The following EDDM13 variants were observed in gnomAD, a reference collection of about 807,000 sequenced individuals.
EDDM13 encodes epididymal protein 13.
Under a neutral mutation model 17.8 loss-of-function variants are expected in EDDM13, and 24 were observed. That is an observed-to-expected ratio of 1.35 (90% CI 0.98 to 1.90). EDDM13 has a LOEUF of 1.90. Ranked by LOEUF, EDDM13 falls within the 40% of genes most tolerant of loss-of-function variation. The probability of loss-of-function intolerance (pLI) is 0.00; values close to 1 mark genes in which losing one functional copy is unlikely to be tolerated. For missense variants in EDDM13, 97 were observed against 100.8 expected (o/e 0.96, Z 0.16); for synonymous variants, 31 against 37.5 (o/e 0.83, Z 0.63).
chr19:56,281,763 G>C, intron 3 of EDDM13, 65 bp downstream of exon 3: 2 of 953,442 alleles, frequency 2.1e-6, no homozygotes, highest in South Asian at 9.7e-5. Context: ...AGAAGGAAGG[G>C]AATGAAAGAG....
intron 9 of EDDM13, among the ~76,000 whole-genome samples, chr19:56,291,543 C>T (rs1333749234): frequency 6.6e-6 from 1 of 151,812 alleles, no homozygotes; most frequent in Non-Finnish European, 1.5e-5. Flanking sequence ...CTTCCTTTTC[C>T]TCTCCTCTCC....
At position 56,303,882 on chromosome 19, in the gene EDDM13, C is replaced by A. The variant is rs1339614059; in HGVS notation, c.424-911C>A. ...CTTCAGAGCAGCTTGGGGGCAACCA[C>A]TGCAAGCAAAGCAGGCATGCACAGC... is the stretch of plus-strand genomic sequence containing the variant. On this transcript the variant is annotated intron_variant, in intron 13 of 14. Coordinates refer to ENST00000649256, the MANE Select transcript of EDDM13 (RefSeq NM_001354658.2). Among the ~76,000 whole-genome samples, 3 of 152,148 alleles carry A rather than the reference C, an allele frequency of 2.0e-5. No individual in the cohort carries two copies. The East Asian group carries it at 5.8e-4, about 29-fold the overall frequency.
Position 56,273,766 on chromosome 19 carries a change from G to A in EDDM13, c.85+847G>A, listed in dbSNP as rs930171613. 1.1e-4 allele frequency among the ~76,000 whole-genome samples: 16 copies of A among 152,254 alleles called. 1 individual carries two copies. The highest frequency in any genetic ancestry group is 8.3e-4 in the South Asian group (4 of 4,820). ...ACAGGAGGCAGGAAACAGAACAGAC[G>A]GGGGCATGTGAGTCACAGGAAAAAT... On this transcript the variant is annotated intron_variant, in intron 1 of 14. Transcript: ENST00000649256.
chr19:56,303,021 A>T (rs2040448227), intron 13 of EDDM13: 3 of 396,136 alleles, frequency 7.6e-6, no homozygotes, highest in Non-Finnish European at 1.3e-5. Context: ...ATCTCAGCCT[A>T]GGGGAAGTGT....
At position 56,305,557 on chromosome 19, in the gene EDDM13, ATC is replaced by A. The variant is rs1331006747; in HGVS notation, c.461+729_461+730del. ...TGCTATGAACAAGTTATGTTAGAAT[ATC>A]TGTTTTAAAATCTTTTGGGGTACAA... On this transcript the variant is annotated intron_variant, in intron 14 of 14. Coordinates refer to ENST00000649256, the MANE Select transcript of EDDM13 (RefSeq NM_001354658.2). Among the ~76,000 whole-genome samples, 2 of 152,160 alleles carry A rather than the reference ATC, an allele frequency of 1.3e-5. 1 individual carries two copies. The highest frequency in any genetic ancestry group is 2.9e-5 in the Non-Finnish European group (2 of 68,044).
At chr19:56,281,562 A>C (rs1424489865) in intron 2 of EDDM13, 131 bp from the exon 3 acceptor site, 1 of 329,400 alleles carries the variant, frequency 3.0e-6, no homozygotes, top group Non-Finnish European at 4.3e-6. Flanking sequence ...CAGGCAAATA[A>C]ATGTTCCATG....
chr19:56,274,783 T>C (rs988213887), intron 1 of EDDM13: 3 of 152,308 alleles, frequency 2.0e-5, no homozygotes, highest in African/African-American at 7.2e-5. Flanking sequence ...TGTTTTGTTT[T>C]GTTTTGTTTC....
chr19:56,287,481 C>G lies in EDDM13; in HGVS notation c.155-904C>G, dbSNP rs2039212239. 2.0e-5 allele frequency among the ~76,000 whole-genome samples: 3 copies of G among 152,260 alleles called. No individual in the cohort carries two copies. In the South Asian group the frequency reaches 6.2e-4, roughly 32 times the overall value. On this transcript the variant is annotated intron_variant, in intron 6 of 14. Coordinates refer to ENST00000649256, the MANE Select transcript of EDDM13 (RefSeq NM_001354658.2). ...ACAAGCACAATAATTCAGTTCTCCC[C>G]CACTCCCATCCCCCCAAGTCCACCT...
At chr19:56,278,823 T>C (rs2038458965) in intron 2 of EDDM13, among the ~76,000 whole-genome samples, 1 of 151,962 alleles carries the variant, frequency 6.6e-6, no homozygotes, top group African/African-American at 2.4e-5. Context: ...GTACCTGGAG[T>C]TCTGACATCC....
chr19:56,282,046 T>C (rs2038751272), intron 3 of EDDM13, among the ~76,000 whole-genome samples: 1 of 152,180 alleles, frequency 6.6e-6, no homozygotes, highest in Non-Finnish European at 1.5e-5. Flanking sequence ...GCCTTTGCTC[T>C]AGAATGTACA....
chr19:56,277,001 T>C (rs984116098), intron 2 of EDDM13, among the ~76,000 whole-genome samples: 1 of 152,172 alleles, frequency 6.6e-6, no homozygotes, highest in African/African-American at 2.4e-5. Context: ...TCAACCTCAT[T>C]AGCCATCAGA....
intron 13 of EDDM13, among the ~76,000 whole-genome samples, chr19:56,303,777 T>A (rs1182442293): frequency 6.6e-6 from 1 of 151,186 alleles, no homozygotes; most frequent in African/African-American, 2.4e-5. Flanking sequence ...TATCACAGAG[T>A]GAGCAGCCAT....
At chr19:56,288,752 C>G (rs1416599021) in intron 7 of EDDM13, among the ~76,000 whole-genome samples, 122 bp from the exon 8 acceptor site, 1 of 152,186 alleles carries the variant, frequency 6.6e-6, no homozygotes, top group East Asian at 1.9e-4. Context: ...TCCACCTCTG[C>G]TCTCCTCTGA....
chr19:56,277,207 G>A (rs190820435), intron 2 of EDDM13, among the ~76,000 whole-genome samples: 4 of 152,178 alleles, frequency 2.6e-5, no homozygotes, highest in Admixed American at 2.0e-4. Flanking sequence ...TAAATGAAAC[G>A]TAAGTCCACA....
intron 13 of EDDM13, among the ~76,000 whole-genome samples, chr19:56,303,303 C>A (rs1238181755): frequency 6.6e-6 from 1 of 151,948 alleles, no homozygotes; most frequent in Non-Finnish European, 1.5e-5. Flanking sequence ...CATGGTGAAA[C>A]CCCGTCTCTA....
rs2039461949 is a variant in EDDM13, at chr19:56,290,841, T to G, written c.227T>G (p.Ile76Arg). Among the ~76,000 whole-genome samples the G allele has an allele frequency of 6.6e-6, 1 of 152,220 alleles. No homozygotes were observed. The highest frequency in any genetic ancestry group is 1.5e-5 in the Non-Finnish European group (1 of 68,030). The change falls in exon 9 of 15, where the codon ATA becomes AGA. Residue 76 changes from isoleucine to arginine, a missense_variant and splice_region_variant. Transcript: ENST00000649256. Reference sequence around the variant, plus strand: ...ATGCTGGTTCTGCTACTTCCTCCAGTAAAAAGTAAGTTATTTTTCCTTTCC... The same window carrying G: ...ATGCTGGTTCTGCTACTTCCTCCAGGAAAAAGTAAGTTATTTTTCCTTTCC... Reference protein sequence around the residue: ...VSPQDRTEEEIKKILGLLSLQ... With the variant: ...VSPQDRTEEERKKILGLLSLQ...
At position 56,301,815 on chromosome 19, in the gene EDDM13, T is replaced by G. The variant is rs949812707; in HGVS notation, c.296-153T>G. ...TGGTGGTAACCAAGAAGGGGGAAGC[T>G]GGCAGTGATGGTGGGTGTGGACCAA... On this transcript the variant is annotated intron_variant, in intron 12 of 14. Coordinates refer to ENST00000649256, the MANE Select transcript of EDDM13 (RefSeq NM_001354658.2). The G allele has an allele frequency of 1.2e-5, 9 of 781,102 alleles. No homozygotes were observed. The Admixed American group carries it at 3.5e-4, about 30-fold the overall frequency. The allele number at this position is 781,102 out of a possible 1,614,324, so 48.4% of individuals were successfully genotyped here. A position where few individuals can be genotyped will look rare whatever the true frequency, so the allele number is the denominator to read the frequency against.
At chr19:56,286,021 CT>C (rs1486838632) in intron 6 of EDDM13, among the ~76,000 whole-genome samples, 1 of 152,076 alleles carries the variant, frequency 6.6e-6, no homozygotes, top group East Asian at 1.9e-4. Context: ...TATTATCTAA[CT>C]TTTTATTTAT....
At chr19:56,294,276 G>A (rs1365748858) in intron 9 of EDDM13, among the ~76,000 whole-genome samples, 8 of 152,258 alleles carry the variant, frequency 5.3e-5, no homozygotes, top group Middle Eastern at 3.4e-3. Flanking sequence ...TCTTTCTCCC[G>A]GACCCTCACA....
Sources: allele counts gnomAD v4.1 joint callset (sites outside exome capture counted in the v4.1 genomes callset), GRCh38; gene constraint gnomAD v4.1.1; transcripts MANE v1.5; gene names NCBI Gene and HGNC (gene_info 2026-07-23, HGNC 2026-07-21).